MBOAT7: variants seen among roughly 807,000 people sequenced by gnomAD.
MBOAT7 encodes the protein membrane bound acylglycerophosphatidylinositol O-acyltransferase MBOAT7.
In MBOAT7, 40 loss-of-function variants were observed where a neutral mutation model predicts 47.4. The ratio of observed to expected loss-of-function variants is 0.84; its 90% CI spans 0.66 to 1.10. MBOAT7 has a LOEUF of 1.10. Ranked by LOEUF, MBOAT7 falls within the 50% of genes least tolerant of loss-of-function variation. The pLI, the probability that MBOAT7 is intolerant of heterozygous loss-of-function variation, is 0.00. For missense variants in MBOAT7, 680 were observed against 655.6 expected (o/e 1.04, Z -0.41); for synonymous variants, 361 against 292.0 (o/e 1.24, Z -2.41).
intron 4 of MBOAT7, 65 bp downstream of exon 4, chr19:54,187,096 G>A: frequency 6.7e-7 from 1 of 1,502,894 alleles, no homozygotes; most frequent in Non-Finnish European, 8.9e-7. Context: ...TGAAGGGGGA[G>A]GTAAAGTGGG....
chr19:54,188,015 C>CGAA (rs2076481318), intron 3 of MBOAT7, among the ~76,000 whole-genome samples: 5 of 78,378 alleles, frequency 6.4e-5, no homozygotes, highest in African/African-American at 2.7e-4. Context: ...AACTCCATCT[C>CGAA]AGAAAGAAAG....
intron 6 of MBOAT7, chr19:54,179,576 CACTG>C (rs2076209404): frequency 6.5e-6 from 1 of 152,832 alleles, no homozygotes; most frequent in Non-Finnish European, 1.5e-5. Context: ...CAGTGGGAAA[CACTG>C]GCCCATATGA....
chr19:54,177,296 TTTTG>T (rs906712320), intron 7 of MBOAT7, among the ~76,000 whole-genome samples: 16 of 152,116 alleles, frequency 1.1e-4, no homozygotes, highest in Admixed American at 2.6e-4. Context: ...TTTTGTGTTT[TTTTG>T]TTTGTTTGTT....
intron 4 of MBOAT7, 139 bp downstream of exon 4, chr19:54,187,022 G>T: frequency 9.4e-7 from 1 of 1,065,886 alleles, no homozygotes; most frequent in South Asian, 1.6e-5. Context: ...GCTGTGCCCA[G>T]GGCAGCAAGT....
At chr19:54,184,022 G>T (rs555274067) in intron 4 of MBOAT7, among the ~76,000 whole-genome samples, 1 of 152,014 alleles carries the variant, frequency 6.6e-6, no homozygotes. Flanking sequence ...CACCCCAAAC[G>T]CACTGGAAAC....
At chr19:54,187,425 C>A (rs2076459946) in intron 3 of MBOAT7, 138 bp from the exon 4 acceptor site, 11 of 1,119,916 alleles carry the variant, frequency 9.8e-6, no homozygotes, top group South Asian at 6.6e-5. Flanking sequence ...GCAGAGAGGA[C>A]AGGAGGGTGG....
rs552525269 is a variant in MBOAT7, at chr19:54,182,402, C to G, written c.493+1119G>C. On this transcript the variant is annotated intron_variant, in intron 5 of 7. Coordinates refer to ENST00000245615, the MANE Select transcript of MBOAT7 (RefSeq NM_024298.5). ...TTGTGGGATGATGGACATGGGGTTT[C>G]TTTGCAGGGTATGAAACTGTTCTGA... Among the ~76,000 whole-genome samples the G allele has an allele frequency of 1.6e-3, 246 of 152,048 alleles. 1 individual carries two copies. Among genetic ancestry groups the G allele is most frequent in the Non-Finnish European group, 2.7e-3 (182 of 67,990 alleles).
Position 54,178,045 on chromosome 19 carries a change from G to C in MBOAT7, c.1031+720C>G, listed in dbSNP as rs149013103. ...CCTGCCTCAGCCTCCCGAGTAGCTG[G>C]GACTACAGGCGCCCACCACCACACC... On this transcript the variant is annotated intron_variant, in intron 7 of 7. Transcript: ENST00000245615. 9.1e-3 allele frequency among the ~76,000 whole-genome samples: 1,371 copies of C among 151,396 alleles called. 58 individuals are homozygous for C. The East Asian group carries it at 0.13, about 14-fold the overall frequency.
chr19:54,187,383 C>G (rs2076459014), intron 3 of MBOAT7, 96 bp from the exon 4 acceptor site: 1 of 1,421,916 alleles, frequency 7.0e-7, no homozygotes, highest in Admixed American at 2.5e-5. Context: ...CCCCAGCTCT[C>G]CCCATTCGTT....
At chr19:54,182,620 TA>T (rs1212628196) in intron 5 of MBOAT7, among the ~76,000 whole-genome samples, 1 of 152,090 alleles carries the variant, frequency 6.6e-6, no homozygotes, top group Non-Finnish European at 1.5e-5. Flanking sequence ...AGGTAAACAT[TA>T]ATGAAAAATA....
Position 54,188,460 on chromosome 19 carries a change from G to T in MBOAT7, c.49C>A (p.Pro17Thr), listed in dbSNP as rs541838893. 6 of 1,557,510 alleles carry T rather than the reference G, an allele frequency of 3.9e-6. No homozygotes were observed. In the Admixed American group the frequency reaches 7.8e-5, roughly 20 times the overall value. ...TYLVVLLISI[P>T]IGFLFKKAGP... ...GCTTTCTTAAAGAGGAAGCCGATGG[G>T]GATGGAGATAAGAAGAACCACTAGA... The change falls in exon 2 of 8, where the codon CCC (proline) becomes ACC (threonine). Residue 17 changes from proline (P) to threonine (T), a missense_variant. By Grantham distance (38) the Pro-to-Thr change is conservative. Coordinates refer to ENST00000245615, the MANE Select transcript of MBOAT7 (RefSeq NM_024298.5).
chr19:54,174,142 G>C lies in MBOAT7; in HGVS notation c.1321C>G (p.Leu441Val), dbSNP rs746065377. Residue 441 changes from leucine to valine, a missense_variant, in exon 8 of 8, where the codon CTG becomes GTG. By Grantham distance (32) the Leu-to-Val change is conservative (BLOSUM62 1). Coordinates refer to ENST00000245615, the MANE Select transcript of MBOAT7 (RefSeq NM_024298.5). ...CCACCTAAAGCCAGCCCCAGCCCCA[G>C]GGCTGCCAGGGCCAGGAAGTGGATA... ...FCIHFLALAA[L>V]GLGLALGGGS... The C allele has an allele frequency of 1.1e-5, 18 of 1,599,174 alleles. No individual in the cohort carries two copies. In the South Asian group the frequency reaches 1.7e-4, roughly 15 times the overall value.
chr19:54,188,046 A>AAAGG (rs2076494041), intron 3 of MBOAT7, among the ~76,000 whole-genome samples, 171 bp downstream of exon 3: 1 of 57,120 alleles, frequency 1.8e-5, no homozygotes, highest in Non-Finnish European at 4.5e-5. Context: ...AGAAAGAAAG[A>AAAGG]AAGAAAGAAA....
At position 54,180,834 on chromosome 19, in the gene MBOAT7, GGTAGGCCCCAAAGCCGGCGGCAATGCA is replaced by G. The variant is rs1178577881; in HGVS notation, c.766_792del (p.Cys256_Tyr264del). The stretch of plus-strand genomic sequence containing the variant: ...CCGGCCCGGGCTTTGGCGGCCACGG[GGTAGGCCCCAAAGCCGGCGGCAATGCA>G]GCCGCACTCGGCGGCAATCCAGGCC... On this transcript the variant is annotated inframe_deletion, in exon 6 of 8. Coordinates refer to ENST00000245615, the MANE Select transcript of MBOAT7 (RefSeq NM_024298.5). This position sits in a 1 kb window ranked among gnomAD's most constrained non-coding sequence, Gnocchi z 5.2. The G allele has an allele frequency of 6.3e-7, 1 of 1,575,326 alleles. No homozygotes were observed. Among genetic ancestry groups the G allele is most frequent in the Admixed American group, 1.9e-5 (1 of 52,888 alleles).
At position 54,180,552 on chromosome 19, in the gene MBOAT7, G is replaced by A. The variant is rs1017918903; in HGVS notation, c.854+221C>T. 2.2e-5 allele frequency: 12 copies of A among 544,970 alleles called. No individual in the cohort carries two copies. Among genetic ancestry groups the A allele is most frequent in the African/African-American group, 4.0e-5 (2 of 50,368 alleles). The allele number at this position is 544,970 out of a possible 1,614,324, so 33.8% of individuals were successfully genotyped here. A position where few individuals can be genotyped will look rare whatever the true frequency, so the allele number is the denominator to read the frequency against. On this transcript the variant is annotated intron_variant, in intron 6 of 7. Coordinates refer to ENST00000245615, the MANE Select transcript of MBOAT7 (RefSeq NM_024298.5). This position sits in a 1 kb window ranked among gnomAD's most constrained non-coding sequence, Gnocchi z 5.2. ...GACAGGGGGCAGTTCACCACACTGC[G>A]GGGTGACAAGCGCTAGCAACAAGGG... is the stretch of plus-strand genomic sequence containing the variant.
chr19:54,174,252 A>T lies in MBOAT7; in HGVS notation c.1211T>A (p.Met404Lys). ...AWDWVHWFLK[M>K]RAYDYMCMGF... ...CATGCACATGTAGTCATAGGCGCGC[A>T]TCTTCAGGAACCAGTGCACCCAGTC... Residue 404 changes from methionine (M) to lysine (K), a missense_variant, in exon 8 of 8, where the codon ATG (methionine) becomes AAG (lysine). Coordinates refer to ENST00000245615, the MANE Select transcript of MBOAT7 (RefSeq NM_024298.5). 6.2e-7 allele frequency: 1 copy of T among 1,609,662 alleles called. No individual in the cohort carries two copies. Among genetic ancestry groups the T allele is most frequent in the Non-Finnish European group, 8.5e-7 (1 of 1,177,424 alleles).
chr19:54,179,082 G>T, intron 6 of MBOAT7, 141 bp from the exon 7 acceptor site: 1 of 1,223,790 alleles, frequency 8.2e-7, no homozygotes, highest in Non-Finnish European at 1.1e-6. Flanking sequence ...GACTTGCTAG[G>T]GCAGCAAGGG....
intron 1 of MBOAT7, among the ~76,000 whole-genome samples, chr19:54,188,834 C>T (rs1198638543): frequency 6.6e-6 from 1 of 152,160 alleles, no homozygotes; most frequent in Non-Finnish European, 1.5e-5. Flanking sequence ...AGCTACTCCC[C>T]GCACCCATAC....
At chr19:54,188,014 T>TAAAAGAAAGAAAGAAAAGA (rs1449446333) in intron 3 of MBOAT7, among the ~76,000 whole-genome samples, 1 of 82,394 alleles carries the variant, frequency 1.2e-5, no homozygotes, top group African/African-American at 7.2e-5. Context: ...AAACTCCATC[T>TAAAAGAAAGAAAGAAAAGA]CAGAAAGAAA....
Sources: gnomAD v4.1 joint callset for allele counts (sites outside exome capture counted in the v4.1 genomes callset) on GRCh38, gnomAD v4.1.1 for gene constraint, Gnocchi (gnomAD v3.1) non-coding constraint, MANE v1.5 for transcripts, NCBI Gene and HGNC (gene_info 2026-07-23, HGNC 2026-07-21) for gene names.